The following CT47C1 variants were observed in gnomAD, a reference collection of about 807,000 sequenced individuals.
CT47C1 encodes cancer/testis antigen family 47 member C1, also known as cancer/testis antigen family 47 member A11 pseudogene.
chrX:119,074,413 C>G, the CT47C1 span, among the ~76,000 whole-genome samples: 1 of 111,505 alleles, frequency 9.0e-6, no homozygotes, highest in African/African-American at 3.3e-5. Context: ...GGGAGCTCGG[C>G]AGGAAACAAG....
chrX:119,073,863 G>A, the CT47C1 span: 1 of 870,185 alleles, frequency 1.1e-6, no homozygotes, highest in Admixed American at 2.2e-5. Context: ...GAGATGGCCA[G>A]GGAGCCTGCA....
the CT47C1 span, chrX:119,073,370 G>A: frequency 1.9e-6 from 1 of 536,626 alleles, no homozygotes; most frequent in Non-Finnish European, 3.4e-6. Context: ...CGGAGTCGCA[G>A]GGCCCATGAG....
At chrX:119,074,747 G>C in the CT47C1 span, among the ~76,000 whole-genome samples, 1 of 110,938 alleles carries the variant, frequency 9.0e-6, no homozygotes, top group Non-Finnish European at 1.9e-5. Context: ...AAGGGAAATA[G>C]TGTCACTGTG....
At chrX:119,073,707 C>T in the CT47C1 span, 74 of 699,947 alleles carry the variant, frequency 1.1e-4, no homozygotes, top group African/African-American at 1.1e-3. Flanking sequence ...CGCCGCACTG[C>T]GGCGCCCAGT....
At chrX:119,073,212 C>G in the CT47C1 span, 1 of 476,041 alleles carries the variant, frequency 2.1e-6, no homozygotes, top group Non-Finnish European at 3.7e-6. Flanking sequence ...CCAGTTGAGG[C>G]ACTGACTGGC....
chrX:119,076,412 T>C, the CT47C1 span: 1 of 112,885 alleles, frequency 8.9e-6, no homozygotes, highest in Admixed American at 9.3e-5. Flanking sequence ...TAAATAATTC[T>C]GACTCAAATC....
At chrX:119,075,118 G>A in the CT47C1 span, 183 of 1,076,713 alleles carry the variant, frequency 1.7e-4, no homozygotes, top group African/African-American at 2.4e-3. Flanking sequence ...TCCAGGTATC[G>A]GTGTATAGCT....
chrX:119,076,212 T>TTTTTA, the CT47C1 span: 2 of 112,859 alleles, frequency 1.8e-5, no homozygotes, highest in Non-Finnish European at 3.7e-5. Flanking sequence ...TTGTTCATTG[T>TTTTTA]TTTTATTTTA....
At chrX:119,074,088 A>G in the CT47C1 span, 1,826 of 500,128 alleles carry the variant, frequency 3.7e-3, 26 homozygotes, top group African/African-American at 0.036. Flanking sequence ...GGTGAGGAAC[A>G]GGCTATCTGC....
chrX:119,075,174 T>C, the CT47C1 span: 1 of 1,017,536 alleles, frequency 9.8e-7, no homozygotes, highest in Non-Finnish European at 1.3e-6. Flanking sequence ...TTGCTGACAG[T>C]TTTATTTTAA....
the CT47C1 span, chrX:119,073,710 C>G: frequency 2.8e-6 from 2 of 705,907 alleles, no homozygotes; most frequent in African/African-American, 4.3e-5. Context: ...CGCACTGCGG[C>G]GCCCAGTGGC....
At chrX:119,075,231 A>C in the CT47C1 span, 7 of 925,232 alleles carry the variant, frequency 7.6e-6, no homozygotes, top group South Asian at 7.2e-5. Flanking sequence ...TAGTTTAAAA[A>C]TTCAATTTAG....
At chrX:119,076,570 T>C in the CT47C1 span, among the ~76,000 whole-genome samples, 1 of 112,199 alleles carries the variant, frequency 8.9e-6, no homozygotes, top group African/African-American at 3.2e-5. Flanking sequence ...AAGAGAGAGA[T>C]GGGGCTCAAG....
the CT47C1 span, chrX:119,075,254 G>A: frequency 5.8e-6 from 5 of 855,773 alleles, no homozygotes; most frequent in Admixed American, 3.1e-5. Flanking sequence ...TACTTAAAAT[G>A]TTACTAGAAT....
the CT47C1 span, chrX:119,073,674 G>T: frequency 1.7e-6 from 1 of 599,713 alleles, no homozygotes; most frequent in Non-Finnish European, 2.7e-6. Context: ...ATCAGGATGC[G>T]TGGCGGCCGC....
chrX:119,073,018 G>C, the CT47C1 span, among the ~76,000 whole-genome samples: 5 of 112,055 alleles, frequency 4.5e-5, no homozygotes, highest in Non-Finnish European at 9.4e-5. Context: ...AACCTCAGCG[G>C]GAGGCTCCTG....
At chrX:119,073,635 T>C in the CT47C1 span, 1 of 565,175 alleles carries the variant, frequency 1.8e-6, no homozygotes. Flanking sequence ...TCCCTTCTCC[T>C]CCGCATCTAT....
the CT47C1 span, chrX:119,073,659 T>A: frequency 3.4e-6 from 2 of 582,559 alleles, no homozygotes; most frequent in Non-Finnish European, 5.8e-6. Flanking sequence ...AACGACCACA[T>A]CCTGATCAGG....
At chrX:119,073,988 G>A in the CT47C1 span, 1 of 685,437 alleles carries the variant, frequency 1.5e-6, no homozygotes. Context: ...GCTCGCAGAG[G>A]AGGCCGCAGA....
Sources: allele counts gnomAD v4.1 joint callset (sites outside exome capture counted in the v4.1 genomes callset), GRCh38; gene constraint gnomAD v4.1.1; transcripts MANE v1.5; gene names NCBI Gene and HGNC (gene_info 2026-07-23, HGNC 2026-07-21).